WSCD1: variants seen among roughly 807,000 people sequenced by gnomAD.
The protein encoded by WSCD1 is WSC domain sialate O sulfotransferase 1.
A neutral mutation model predicts 60.4 loss-of-function variants in WSCD1; 41 were observed. The observed-to-expected ratio is 0.68, with a 90% CI of 0.53 to 0.88. WSCD1 has a LOEUF of 0.88. Among genes scored for constraint, WSCD1 ranks in the 40% least tolerant of loss-of-function variants. WSCD1 has a pLI of 0.00. For missense variants in WSCD1, 784 were observed against 796.2 expected (o/e 0.98, Z 0.18); for synonymous variants, 361 against 332.5 (o/e 1.09, Z -0.93).
intron 1 of WSCD1, among the ~76,000 whole-genome samples, chr17:6,078,561 G>GGTGTGTGTGTGT (rs67928797): frequency 6.7e-6 from 1 of 150,306 alleles, no homozygotes. Flanking sequence ...GAATGTGGAG[G>GGTGTGTGTGTGT]GTGTGTGTGT....
intron 2 of WSCD1, among the ~76,000 whole-genome samples, chr17:6,081,645 A>G (rs564295545): frequency 1.1e-4 from 17 of 151,624 alleles, no homozygotes; most frequent in African/African-American, 3.6e-4. Flanking sequence ...TGGGAAGCAG[A>G]GGTTGCCGTG....
At position 6,080,439 on chromosome 17, in the gene WSCD1, G is replaced by A. The variant is rs1331850518; in HGVS notation, c.-220G>A. The A allele has an allele frequency of 4.6e-5, 26 of 566,522 alleles. No homozygotes were observed. Among genetic ancestry groups the A allele is most frequent in the Non-Finnish European group, 6.8e-5 (22 of 324,040 alleles). The allele number at this position is 566,522 out of a possible 1,614,324, so 35.1% of individuals were successfully genotyped here. A position where few individuals can be genotyped will look rare whatever the true frequency, so the allele number is the denominator to read the frequency against. ...AGATGTCCTTGACGCCTGGGCAGAG[G>A]CTGCAGCTGCAGGACCCTGTGGCCA... is the stretch of plus-strand genomic sequence containing the variant. On this transcript the variant is annotated 5_prime_UTR_variant, in exon 2 of 9. Transcript: ENST00000317744. The surrounding 1 kb of genome is among the most constrained non-coding windows in gnomAD (Gnocchi z 6.6).
chr17:6,115,935 A>C (rs1423656789), intron 7 of WSCD1, among the ~76,000 whole-genome samples: 1 of 152,154 alleles, frequency 6.6e-6, no homozygotes, highest in African/African-American at 2.4e-5. Flanking sequence ...TGGTGTAGGA[A>C]AGTTGATACT....
chr17:6,090,291 T>C, intron 3 of WSCD1, 30 bp from the exon 4 acceptor site: 1 of 1,549,594 alleles, frequency 6.5e-7, no homozygotes, highest in Non-Finnish European at 8.7e-7. Context: ...TGGGCCAAGG[T>C]CCGGACTCAC....
At chr17:6,093,824 G>A (rs7225181) in intron 4 of WSCD1, among the ~76,000 whole-genome samples, 47,610 of 152,096 alleles carry the variant, frequency 0.31, 8,496 homozygotes, top group African/African-American at 0.49. Context: ...TTGCAGAGCT[G>A]GTCACTGGCA....
intron 5 of WSCD1, among the ~76,000 whole-genome samples, chr17:6,104,178 A>G (rs1165970433): frequency 6.6e-6 from 1 of 152,156 alleles, no homozygotes; most frequent in Non-Finnish European, 1.5e-5. Flanking sequence ...ATAAACAACC[A>G]GCTGTCCGTG....
chr17:6,079,808 C>T (rs73974658), intron 1 of WSCD1, among the ~76,000 whole-genome samples: 4,939 of 152,296 alleles, frequency 0.032, 271 homozygotes, highest in African/African-American at 0.11. Context: ...GGTAGTGTCT[C>T]ATTGCAGGCT....
At chr17:6,077,317 G>A (rs983155098) in intron 1 of WSCD1, among the ~76,000 whole-genome samples, 6 of 152,068 alleles carry the variant, frequency 3.9e-5, no homozygotes, top group Non-Finnish European at 7.4e-5. Context: ...TCCATCTCTT[G>A]ACCTTGTGAT....
chr17:6,077,391 G>A (rs528344655), intron 1 of WSCD1, among the ~76,000 whole-genome samples: 1 of 152,194 alleles, frequency 6.6e-6, no homozygotes, highest in Admixed American at 6.5e-5. Flanking sequence ...CCAGTCTTTT[G>A]TTTCTCCCTA....
chr17:6,076,554 T>C (rs933248463), intron 1 of WSCD1, among the ~76,000 whole-genome samples: 16 of 152,198 alleles, frequency 1.1e-4, no homozygotes, highest in African/African-American at 3.6e-4. Flanking sequence ...TGCCACAGTC[T>C]GTAGGGAACA....
chr17:6,109,619 G>A lies in WSCD1; in HGVS notation c.862G>A (p.Ala288Thr). Residue 288 changes from alanine (A) to threonine (T), a missense_variant, in exon 6 of 9, where the codon GCC becomes ACC. Transcript: ENST00000317744. Reference protein sequence around the residue: ...GFCSQKEFPLAILRGWECYCA... With the variant: ...GFCSQKEFPLTILRGWECYCA... ...CGTTCCCTGGCAGGAGTTCCCCTTG[G>A]CCATTCTCAGGGGCTGGGAATGCTA... 6.2e-7 allele frequency: 1 copy of A among 1,613,714 alleles called. No individual in the cohort carries two copies. The highest frequency in any genetic ancestry group is 1.1e-5 in the South Asian group (1 of 91,020).
intron 1 of WSCD1, among the ~76,000 whole-genome samples, chr17:6,078,310 A>C (rs1056294202): frequency 4.6e-5 from 7 of 152,254 alleles, no homozygotes; most frequent in African/African-American, 1.7e-4. Flanking sequence ...ACCGACAAGT[A>C]GATGGACAGT....
chr17:6,075,836 A>G lies in WSCD1; in HGVS notation c.-288-4535A>G, dbSNP rs1352863456. Reference sequence around the variant, plus strand: ...GGGTTCCAAGATGGGAGGTGCCCACAGGAAGCACACCTTGGGGAAAAATTC... The same window carrying G: ...GGGTTCCAAGATGGGAGGTGCCCACGGGAAGCACACCTTGGGGAAAAATTC... On this transcript the variant is annotated intron_variant, in intron 1 of 8. Coordinates refer to ENST00000317744, the MANE Select transcript of WSCD1 (RefSeq NM_015253.2). This position sits in a 1 kb window ranked among gnomAD's most constrained non-coding sequence, Gnocchi z 4.1. 6.6e-6 allele frequency among the ~76,000 whole-genome samples: 1 copy of G among 152,130 alleles called. No homozygotes were observed. Among genetic ancestry groups the G allele is most frequent in the Admixed American group, 6.6e-5 (1 of 15,262 alleles).
At chr17:6,072,608 G>A (rs939130738) in intron 1 of WSCD1, among the ~76,000 whole-genome samples, 12 of 152,160 alleles carry the variant, frequency 7.9e-5, no homozygotes, top group African/African-American at 2.9e-4. Context: ...AGACCTTCAG[G>A]GCCTTAGGCC....
intron 5 of WSCD1, among the ~76,000 whole-genome samples, chr17:6,099,316 A>C (rs1910646789): frequency 6.6e-6 from 1 of 151,940 alleles, no homozygotes; most frequent in Non-Finnish European, 1.5e-5. Flanking sequence ...AGAGATTGTG[A>C]CCATCCTGGC....
Position 6,076,736 on chromosome 17 carries a change from C to T in WSCD1, c.-288-3635C>T, listed in dbSNP as rs148290006. Among the ~76,000 whole-genome samples, 219 of 152,334 alleles carry T rather than the reference C, an allele frequency of 1.4e-3. 1 individual carries two copies. Among genetic ancestry groups the T allele is most frequent in the African/African-American group, 5.1e-3 (214 of 41,568 alleles). On this transcript the variant is annotated intron_variant, in intron 1 of 8. Coordinates refer to ENST00000317744, the MANE Select transcript of WSCD1 (RefSeq NM_015253.2). Reference sequence around the variant, plus strand: ...GGATGTAGTGGGTATAGCTGATGGCCTCCCAGGCCCTATGCAGATGAGCAG... The same window carrying T: ...GGATGTAGTGGGTATAGCTGATGGCTTCCCAGGCCCTATGCAGATGAGCAG...
chr17:6,120,840 A>C lies in WSCD1; in HGVS notation c.*179A>C, dbSNP rs1226719590. 1.7e-5 allele frequency: 11 copies of C among 657,508 alleles called. No individual in the cohort carries two copies. The highest frequency in any genetic ancestry group is 2.6e-5 in the Non-Finnish European group (10 of 391,364). 40.7% of individuals were successfully genotyped at this position (657,508 alleles called of 1,614,324 possible). ...CACAACAGACACACATCACAAGGCG[A>C]ACACAAATGGACACACATACCTGGC... On this transcript the variant is annotated 3_prime_UTR_variant, in exon 9 of 9. Transcript: ENST00000317744.
intron 2 of WSCD1, 51 bp downstream of exon 2, chr17:6,081,136 G>A (rs1410073454): frequency 6.7e-7 from 1 of 1,490,036 alleles, no homozygotes; most frequent in East Asian, 2.5e-5. Context: ...CCCCCATTCA[G>A]GGTCACAGGT....
rs1195821464 is a variant in WSCD1, at chr17:6,095,129, T to A, written c.755T>A (p.Phe252Tyr). The change falls in exon 5 of 9, where the codon TTC becomes TAC. Residue 252 changes from phenylalanine (F) to tyrosine (Y), a missense_variant. Coordinates refer to ENST00000317744, the MANE Select transcript of WSCD1 (RefSeq NM_015253.2). Reference protein sequence around the residue: ...KRRTATYRGCFRLPENITHAF... With the variant: ...KRRTATYRGCYRLPENITHAF... The stretch of plus-strand genomic sequence containing the variant: ...CGGACCGCCACCTACCGCGGATGCT[T>A]CCGACTGCCAGAGAACATCACACAT... The A allele has an allele frequency of 6.2e-7, 1 of 1,613,374 alleles. No homozygotes were observed. Among genetic ancestry groups the A allele is most frequent in the South Asian group, 1.1e-5 (1 of 90,852 alleles).
Sources: allele counts gnomAD v4.1 joint callset (sites outside exome capture counted in the v4.1 genomes callset), GRCh38; gene constraint gnomAD v4.1.1; non-coding constraint Gnocchi (gnomAD v3.1); transcripts MANE v1.5; gene names NCBI Gene and HGNC (gene_info 2026-07-23, HGNC 2026-07-21).